The following ITGA4 variants were observed in gnomAD, a reference collection of about 807,000 sequenced individuals.
ITGA4 encodes the protein integrin subunit alpha 4.
Under a neutral mutation model 133.6 loss-of-function variants are expected in ITGA4, and 63 were observed. The observed-to-expected ratio is 0.47, with a 90% confidence interval of 0.38 to 0.58. The LOEUF is 0.58. Among genes scored for constraint, ITGA4 ranks in the 20% least tolerant of loss-of-function variants. ITGA4 has a pLI of 0.00. For missense variants in ITGA4, 1,076 were observed against 1,252.7 expected (o/e 0.86, Z 2.13); for synonymous variants, 483 against 438.0 (o/e 1.10, Z -1.28).
At chr2:181,493,256 AG>A in intron 10 of ITGA4, 68 bp from the exon 11 acceptor site, 1 of 944,048 alleles carries the variant, frequency 1.1e-6, no homozygotes, top group Non-Finnish European at 1.7e-6. Flanking sequence ...AAGGTTCATA[AG>A]GTTAGTTTTC....
chr2:181,461,624 T>C (rs192567185), intron 2 of ITGA4, among the ~76,000 whole-genome samples: 29 of 152,266 alleles, frequency 1.9e-4, no homozygotes, highest in Non-Finnish European at 3.8e-4. Flanking sequence ...ACTATCAATA[T>C]TCAAATAGAA....
intron 22 of ITGA4, among the ~76,000 whole-genome samples, chr2:181,528,808 T>C (rs1686884856): frequency 6.6e-6 from 1 of 152,318 alleles, no homozygotes; most frequent in African/African-American, 2.4e-5. Flanking sequence ...GTATTGGTTT[T>C]ACAGTTAAGC....
chr2:181,492,003 G>A (rs1467367529), intron 10 of ITGA4, among the ~76,000 whole-genome samples: 1 of 152,188 alleles, frequency 6.6e-6, no homozygotes, highest in Non-Finnish European at 1.5e-5. Context: ...TCTATGAGAA[G>A]CCTTTTCTAA....
Position 181,495,225 on chromosome 2 carries a change from C to T in ITGA4, c.1340-146C>T, listed in dbSNP as rs756179320. 3.4e-5 allele frequency: 21 copies of T among 615,286 alleles called. No homozygotes were observed. Among genetic ancestry groups the T allele is most frequent in the Middle Eastern group, 3.7e-4 (1 of 2,682 alleles). The allele number at this position is 615,286 out of a possible 1,614,324, so 38.1% of individuals were successfully genotyped here. On this transcript the variant is annotated intron_variant, in intron 12 of 27. Transcript: ENST00000397033. The surrounding 1 kb of genome is among the most constrained non-coding windows in gnomAD (Gnocchi z 4.3). The stretch of plus-strand genomic sequence containing the variant: ...AGATTCAGAGAAAAGTGGAAAGAAT[C>T]GTAAGATGTTAGCATATATTCTCTA...
chr2:181,458,049 C>T, intron 1 of ITGA4, 147 bp from the exon 2 acceptor site: 1 of 1,214,586 alleles, frequency 8.2e-7, no homozygotes, highest in Non-Finnish European at 1.2e-6. Context: ...CGTTATGGTG[C>T]AAGGTCTTGG....
chr2:181,461,879 G>A (rs906856851), intron 2 of ITGA4, among the ~76,000 whole-genome samples: 11 of 152,230 alleles, frequency 7.2e-5, no homozygotes, highest in Admixed American at 5.9e-4. Context: ...GGGCTGTAAT[G>A]TAAATTACAT....
At chr2:181,526,209 G>A (rs982327621) in intron 21 of ITGA4, among the ~76,000 whole-genome samples, 7 of 152,100 alleles carry the variant, frequency 4.6e-5, no homozygotes, top group Admixed American at 2.6e-4. Flanking sequence ...AGTTCATTGC[G>A]TGTTTCCTGG....
At chr2:181,534,004 T>C (rs1056297274) in intron 25 of ITGA4, among the ~76,000 whole-genome samples, 3 of 152,210 alleles carry the variant, frequency 2.0e-5, no homozygotes, top group Non-Finnish European at 4.4e-5. Flanking sequence ...TGGTAAATGG[T>C]AACTTACCTC....
chr2:181,513,118 A>G (rs1021407566), intron 17 of ITGA4, among the ~76,000 whole-genome samples: 3 of 151,892 alleles, frequency 2.0e-5, no homozygotes, highest in African/African-American at 7.3e-5. Context: ...CTTTCTTTTC[A>G]GCTGTTTTTG....
rs1438048098 is a variant in ITGA4, at chr2:181,537,246, T to TACATTTGGTTCTTTCCTACTC, written c.*1721_*1741dup. The TACATTTGGTTCTTTCCTACTC allele has an allele frequency of 2.2e-6, 1 of 453,904 alleles. No homozygotes were observed. The highest frequency in any genetic ancestry group is 4.4e-6 in the Non-Finnish European group (1 of 226,734). 28.1% of individuals were successfully genotyped at this position (453,904 alleles called of 1,614,324 possible). On this transcript the variant is annotated 3_prime_UTR_variant, in exon 28 of 28. Transcript: ENST00000397033. Reference sequence around the variant, plus strand: ...CTCCAGGATGGTCTCTAAGGAAATTTACATTTGGTTCTTTCCTACTCAGAA... The same window carrying TACATTTGGTTCTTTCCTACTC: ...CTCCAGGATGGTCTCTAAGGAAATTTACATTTGGTTCTTTCCTACTCACATTTGGTTCTTTCCTACTCAGAA...
At position 181,457,415 on chromosome 2, in the gene ITGA4, C is replaced by T; in HGVS notation, c.-240C>T. On this transcript the variant is annotated 5_prime_UTR_variant, in exon 1 of 28. Transcript: ENST00000397033. ...CAGCGCGAGCACCCGAAGCTCCCGG[C>T]TGGCGGCAGAAACCGGGAGTGGGGC... 2.1e-6 allele frequency: 1 copy of T among 475,812 alleles called. No individual in the cohort carries two copies. 29.5% of individuals were successfully genotyped at this position (475,812 alleles called of 1,614,324 possible). A position where few individuals can be genotyped will look rare whatever the true frequency, so the allele number is the denominator to read the frequency against.
chr2:181,529,202 C>G (rs1013868964), intron 22 of ITGA4, among the ~76,000 whole-genome samples: 5 of 152,090 alleles, frequency 3.3e-5, no homozygotes, highest in Middle Eastern at 3.4e-3. Context: ...CTCATGAGAA[C>G]CAAATGATAT....
chr2:181,501,219 G>T (rs1686261520), intron 15 of ITGA4, among the ~76,000 whole-genome samples: 1 of 152,186 alleles, frequency 6.6e-6, no homozygotes, highest in Admixed American at 6.5e-5. Flanking sequence ...TTTCTGCAAA[G>T]TTCCCAGAGG....
intron 22 of ITGA4, among the ~76,000 whole-genome samples, chr2:181,529,054 G>A (rs1173943831): frequency 6.6e-6 from 1 of 152,192 alleles, no homozygotes; most frequent in Non-Finnish European, 1.5e-5. Flanking sequence ...GTGCTTTTGC[G>A]ATAACATCAT....
intron 25 of ITGA4, among the ~76,000 whole-genome samples, chr2:181,532,073 G>T (rs373684334): frequency 6.6e-6 from 1 of 152,146 alleles, no homozygotes. Context: ...CCAGGAGTTC[G>T]AGACCAGTTG....
chr2:181,531,450 C>T (rs1392373719), intron 24 of ITGA4, among the ~76,000 whole-genome samples: 2 of 151,994 alleles, frequency 1.3e-5, no homozygotes, highest in African/African-American at 4.8e-5. Flanking sequence ...AGTTTAAATA[C>T]TTTATTATAA....
chr2:181,480,033 A>G, intron 5 of ITGA4, 104 bp from the exon 6 acceptor site: 2 of 702,602 alleles, frequency 2.8e-6, no homozygotes, highest in Non-Finnish European at 4.2e-6. Flanking sequence ...TACTTCAGGA[A>G]TTGATTATTA....
rs202097311 is a variant in ITGA4 at position 181,536,405 on chromosome 2, A to G, written c.*878A>G. ...CCTGATACACGCTGATTTAGAAAATACAGAAACCATACCTCACTAATAACT... is the reference window on the plus strand; with the variant it reads ...CCTGATACACGCTGATTTAGAAAATGCAGAAACCATACCTCACTAATAACT... On this transcript the variant is annotated 3_prime_UTR_variant, in exon 28 of 28. Transcript: ENST00000397033. Among the ~76,000 whole-genome samples the G allele has an allele frequency of 6.6e-6, 1 of 152,030 alleles. No individual in the cohort carries two copies. The highest frequency in any genetic ancestry group is 1.5e-5 in the Non-Finnish European group (1 of 67,952).
At chr2:181,487,107 T>C (rs557877998) in intron 10 of ITGA4, among the ~76,000 whole-genome samples, 1 of 152,316 alleles carries the variant, frequency 6.6e-6, no homozygotes, top group South Asian at 2.1e-4. Context: ...GTTTACTATT[T>C]TAAAACTGAA....
Sources: gnomAD v4.1 joint callset for allele counts (sites outside exome capture counted in the v4.1 genomes callset) on GRCh38, gnomAD v4.1.1 for gene constraint, Gnocchi (gnomAD v3.1) non-coding constraint, MANE v1.5 for transcripts, NCBI Gene and HGNC (gene_info 2026-07-23, HGNC 2026-07-21) for gene names.